NAA35: variants seen among roughly 807,000 people sequenced by gnomAD.
NAA35 encodes MAK10 homolog, amino-acid N-acetyltransferase subunit.
In NAA35, 18 loss-of-function variants were observed where a neutral mutation model predicts 101.7. The observed-to-expected ratio is 0.18, with a 90% confidence interval of 0.12 to 0.26. The LOEUF (loss-of-function observed/expected upper bound fraction) is 0.26, where lower values mean the gene tolerates loss of function less well. Among genes scored for constraint, NAA35 ranks in the 10% least tolerant of loss-of-function variants. The pLI is 1.00. For missense variants in NAA35, 601 were observed against 886.8 expected, an observed-to-expected ratio of 0.68 and a Z score of 4.09; for synonymous variants, 267 against 273.1, an observed-to-expected ratio of 0.98 and a Z score of 0.22.
At chr9:85,962,299 T>A in intron 6 of NAA35, 119 bp downstream of exon 6, 1 of 795,948 alleles carries the variant, frequency 1.3e-6, no homozygotes, top group South Asian at 1.8e-5. Flanking sequence ...GAGACCAGCC[T>A]GGCCAACATG....
chr9:86,010,364 C>T (rs1179556351), intron 15 of NAA35, among the ~76,000 whole-genome samples: 1 of 151,874 alleles, frequency 6.6e-6, no homozygotes, highest in Non-Finnish European at 1.5e-5. Context: ...ACTGTCTCCT[C>T]CTAACACTTG....
Position 86,024,979 on chromosome 9 carries a change from A to T in NAA35, c.*3019A>T, listed in dbSNP as rs898325297. 6.6e-6 allele frequency among the ~76,000 whole-genome samples: 1 copy of T among 152,156 alleles called. No individual in the cohort carries two copies. Among genetic ancestry groups the T allele is most frequent in the Non-Finnish European group, 1.5e-5 (1 of 68,016 alleles). On this transcript the variant is annotated 3_prime_UTR_variant, in exon 23 of 23. Transcript: ENST00000361671. ...GGGCCAGGGAATGGGGAGGCCACTG[A>T]GGTGGTGGGACAGGCTGCAGGGAAG...
In NAA35 at chr9:85,951,101, G is replaced by A. The variant is rs535146775; in HGVS notation, c.125-5259G>A. On this transcript the variant is annotated intron_variant, in intron 2 of 22. Transcript: ENST00000361671. ...TGCAGTGAACTGAGATCACACCACT[G>A]CACTCCAGCCGGGGCGACAGAGTGA... 2.0e-3 allele frequency among the ~76,000 whole-genome samples: 301 copies of A among 149,088 alleles called. 1 individual carries two copies. The highest frequency in any genetic ancestry group is 3.6e-3 in the Non-Finnish European group (244 of 67,760).
intron 6 of NAA35, among the ~76,000 whole-genome samples, chr9:85,968,919 A>G (rs996000573): frequency 6.6e-6 from 1 of 152,120 alleles, no homozygotes; most frequent in Non-Finnish European, 1.5e-5. Flanking sequence ...CTTATATGTG[A>G]TAATTGTCTC....
intron 2 of NAA35, among the ~76,000 whole-genome samples, chr9:85,955,836 A>G (rs1829252543): frequency 6.6e-6 from 1 of 152,156 alleles, no homozygotes; most frequent in Admixed American, 6.5e-5. Context: ...TGACCCTAAT[A>G]TGCAGCCAAG....
At chr9:85,973,393 G>A (rs970092043) in intron 6 of NAA35, among the ~76,000 whole-genome samples, 6 of 152,214 alleles carry the variant, frequency 3.9e-5, no homozygotes, top group Admixed American at 2.6e-4. Context: ...AGGGACTAGT[G>A]TGGTAGGTGG....
intron 6 of NAA35, among the ~76,000 whole-genome samples, chr9:85,973,850 A>G (rs1305174483): frequency 6.6e-6 from 1 of 151,822 alleles, no homozygotes; most frequent in African/African-American, 2.4e-5. Context: ...TGTGGGGTAT[A>G]GTACCTCACT....
At chr9:86,007,878 T>TA (rs111329662) in intron 14 of NAA35, among the ~76,000 whole-genome samples, 4,629 of 150,990 alleles carry the variant, frequency 0.031, 90 homozygotes, top group African/African-American at 0.046. Flanking sequence ...TACACTTTGT[T>TA]AAAAAAAAAG....
intron 18 of NAA35, 45 bp downstream of exon 18, chr9:86,016,720 T>C (rs771486848): frequency 1.9e-6 from 3 of 1,576,428 alleles, no homozygotes; most frequent in African/African-American, 2.7e-5. Flanking sequence ...TGTACTTTAA[T>C]TTCTACAGAT....
chr9:85,998,065 C>T (rs1277905079), intron 12 of NAA35, among the ~76,000 whole-genome samples: 2 of 152,138 alleles, frequency 1.3e-5, no homozygotes, highest in African/African-American at 2.4e-5. Context: ...CAGGCGTCCG[C>T]CACCACGCCC....
intron 1 of NAA35, 134 bp downstream of exon 1, chr9:85,941,407 T>C (rs1828505833): frequency 1.0e-6 from 1 of 985,130 alleles, no homozygotes; most frequent in Admixed American, 6.1e-5. Context: ...GCGCGTCAGG[T>C]AGGAGCGGCG....
intron 19 of NAA35, 64 bp downstream of exon 19, chr9:86,017,629 A>T: frequency 7.8e-7 from 1 of 1,289,172 alleles, no homozygotes; most frequent in Non-Finnish European, 1.1e-6. Context: ...TAGTTTATTT[A>T]AACTGTTTTC....
chr9:85,942,666 A>G (rs570443355), intron 2 of NAA35, among the ~76,000 whole-genome samples: 5 of 152,324 alleles, frequency 3.3e-5, no homozygotes, highest in African/African-American at 1.2e-4. Context: ...TGCAGGTAGA[A>G]TAAAATCCAC....
rs190358412 is a variant in NAA35 at position 85,951,321 on chromosome 9, T to G, written c.125-5039T>G. ...GAATTCTCATATTTGCTTCTGTAAT[T>G]CAGTCTGTTGCCACATGTTGTTTTG... On this transcript the variant is annotated intron_variant, in intron 2 of 22. Coordinates refer to ENST00000361671, the MANE Select transcript of NAA35 (RefSeq NM_024635.4). 1.3e-5 allele frequency among the ~76,000 whole-genome samples: 2 copies of G among 152,342 alleles called. 1 individual carries two copies. Among genetic ancestry groups the G allele is most frequent in the African/African-American group, 4.8e-5 (2 of 41,590 alleles).
intron 8 of NAA35, 102 bp from the exon 9 acceptor site, chr9:85,976,583 C>A: frequency 2.5e-6 from 2 of 786,406 alleles, no homozygotes; most frequent in Non-Finnish European, 3.8e-6. Context: ...TCCCCAAAAA[C>A]AGATTCTTGT....
At chr9:86,014,719 ATT>A (rs1184153631) in intron 17 of NAA35, among the ~76,000 whole-genome samples, 1 of 152,166 alleles carries the variant, frequency 6.6e-6, no homozygotes, top group Non-Finnish European at 1.5e-5. Context: ...GTTGATGTAG[ATT>A]TTGTTATGAG....
intron 12 of NAA35, among the ~76,000 whole-genome samples, chr9:86,000,690 A>G (rs186921723): frequency 8.9e-4 from 135 of 152,096 alleles, no homozygotes; most frequent in Admixed American, 2.5e-3. Flanking sequence ...ATGTGTAGAG[A>G]TGTTCATAGT....
chr9:86,001,927 T>C (rs1831433323), intron 12 of NAA35, among the ~76,000 whole-genome samples: 1 of 152,174 alleles, frequency 6.6e-6, no homozygotes, highest in African/African-American at 2.4e-5. Flanking sequence ...CTGGTTATTA[T>C]GTTGGCTTGT....
chr9:86,007,321 C>T (rs769725476), intron 13 of NAA35, 37 bp from the exon 14 acceptor site: 37 of 1,392,588 alleles, frequency 2.7e-5, no homozygotes, highest in East Asian at 2.3e-4. Flanking sequence ...CAATTCTGTG[C>T]GTGACACCGT....
Sources: gnomAD v4.1 joint callset for allele counts (sites outside exome capture counted in the v4.1 genomes callset) on GRCh38, gnomAD v4.1.1 for gene constraint, MANE v1.5 for transcripts, NCBI Gene and HGNC (gene_info 2026-07-23, HGNC 2026-07-21) for gene names.